The following DAPK2 variants were observed in gnomAD, a reference collection of about 807,000 sequenced individuals.
DAPK2 encodes death-associated protein kinase 2.
DAPK2 carries 35 observed loss-of-function variants against 44.1 expected under a neutral mutation model. That is an observed-to-expected ratio of 0.79 (90% CI 0.61 to 1.05). The LOEUF (loss-of-function observed/expected upper bound fraction) is 1.05, where lower values mean the gene tolerates loss of function less well. Among genes scored for constraint, DAPK2 ranks in the 50% least tolerant of loss-of-function variants. The probability of loss-of-function intolerance (pLI) is 0.00; values close to 1 mark genes in which losing one functional copy is unlikely to be tolerated. For missense variants in DAPK2, 453 were observed against 483.2 expected (o/e 0.94, Z 0.59); for synonymous variants, 174 against 182.6 (o/e 0.95, Z 0.38).
At chr15:64,017,588 G>A (rs1285564749) in intron 1 of DAPK2, among the ~76,000 whole-genome samples, 1 of 152,216 alleles carries the variant, frequency 6.6e-6, no homozygotes, top group Non-Finnish European at 1.5e-5. Flanking sequence ...GAGTCAGAAA[G>A]CCTTGACTCA....
At chr15:63,942,164 G>A in intron 3 of DAPK2, 3 of 970,892 alleles carry the variant, frequency 3.1e-6, no homozygotes, top group Non-Finnish European at 3.7e-6. Context: ...GGGAAGAATT[G>A]AGGCTGAAAT....
intron 3 of DAPK2, among the ~76,000 whole-genome samples, chr15:63,957,603 G>A (rs918941395): frequency 1.3e-5 from 2 of 148,212 alleles, no homozygotes; most frequent in African/African-American, 2.5e-5. Flanking sequence ...GAGAACATGC[G>A]GTGTTTGGTT....
At chr15:63,914,933 T>C (rs1251600887) in intron 8 of DAPK2, among the ~76,000 whole-genome samples, 1 of 152,180 alleles carries the variant, frequency 6.6e-6, no homozygotes, top group Non-Finnish European at 1.5e-5. Flanking sequence ...CAATATTCTA[T>C]TCTGTATTTA....
intron 1 of DAPK2, among the ~76,000 whole-genome samples, chr15:64,023,987 C>T (rs981673562): frequency 6.6e-6 from 1 of 152,082 alleles, no homozygotes; most frequent in African/African-American, 2.4e-5. Context: ...AGTTTAACTG[C>T]CTATCTGAAA....
At chr15:64,014,649 G>A (rs946418352) in intron 1 of DAPK2, among the ~76,000 whole-genome samples, 9 of 152,242 alleles carry the variant, frequency 5.9e-5, no homozygotes. Context: ...GCTGGGCTTG[G>A]TGGCTCACGC....
At chr15:64,046,319 GGTCGCGGCCGCGGCA>G (rs1310802355) in exon 1 of DAPK2, 5 of 958,954 alleles carry the variant, frequency 5.2e-6, no homozygotes, top group African/African-American at 9.4e-5. The surrounding 1 kb of genome is among the most constrained non-coding windows in gnomAD (Gnocchi z 5.3). Flanking sequence ...GAGCTGCCGC[GGTCGCGGCCGCGGCA>G]GGCGCGGCGG....
intron 3 of DAPK2, among the ~76,000 whole-genome samples, chr15:63,949,138 T>C (rs1169994579): frequency 2.0e-5 from 3 of 152,158 alleles, no homozygotes; most frequent in Non-Finnish European, 2.9e-5. Context: ...AAACCCACAG[T>C]TGTGGCTTAG....
intron 1 of DAPK2, among the ~76,000 whole-genome samples, chr15:64,011,954 G>C (rs1301975502): frequency 6.6e-6 from 1 of 152,128 alleles, no homozygotes; most frequent in Non-Finnish European, 1.5e-5. Context: ...AGCCCAGCTT[G>C]GCCACCAGCC....
At chr15:63,926,416 G>T (rs973881174) in intron 6 of DAPK2, among the ~76,000 whole-genome samples, 2 of 152,098 alleles carry the variant, frequency 1.3e-5, no homozygotes, top group African/African-American at 2.4e-5. Context: ...CCAGCCAAAG[G>T]ATAGGGGAGC....
chr15:64,046,387 CGGGAACGGGGGACGCGGCGG>C, upstream of DAPK2: 1 of 304,392 alleles, frequency 3.3e-6, no homozygotes, highest in African/African-American at 2.5e-5. This position sits in a 1 kb window ranked among gnomAD's most constrained non-coding sequence, Gnocchi z 5.3. Flanking sequence ...GCGGGCGCGG[CGGGAACGGGGGACGCGGCGG>C]GGTGCGCTGG....
At chr15:64,025,866 A>G (rs1244536237) in intron 1 of DAPK2, among the ~76,000 whole-genome samples, 2 of 152,326 alleles carry the variant, frequency 1.3e-5, no homozygotes, top group Admixed American at 6.5e-5. Context: ...GATGGATAAC[A>G]TTTTGCTTAA....
At chr15:63,936,850 C>T (rs746710828) in intron 4 of DAPK2, among the ~76,000 whole-genome samples, 3 of 151,480 alleles carry the variant, frequency 2.0e-5, no homozygotes, top group Non-Finnish European at 4.4e-5. Flanking sequence ...CATAATGGTG[C>T]ATGCCTGTAG....
rs148586307 is a variant in DAPK2, at chr15:63,981,594, C to T, written c.314+1939G>A. Among the ~76,000 whole-genome samples, 646 of 151,102 alleles carry T rather than the reference C, an allele frequency of 4.3e-3. 4 individuals are homozygous for T. The highest frequency in any genetic ancestry group is 0.015 in the African/African-American group (611 of 41,276). ...AAGATTGAGAGGAACCACAGAAAAA[C>T]ATAAATAGCTGTGTTTGGGTTGTAG... On this transcript the variant is annotated intron_variant, in intron 2 of 10. Coordinates refer to ENST00000261891, the Ensembl canonical transcript of DAPK2.
chr15:64,012,342 C>A (rs2079411105), intron 1 of DAPK2, among the ~76,000 whole-genome samples: 1 of 152,218 alleles, frequency 6.6e-6, no homozygotes, highest in South Asian at 2.1e-4. Flanking sequence ...CTAACAATTC[C>A]ATTTTCCAGA....
chr15:63,971,612 A>G (rs2078215025), intron 2 of DAPK2, 51 bp from the exon 4 acceptor site: 4 of 1,597,520 alleles, frequency 2.5e-6, no homozygotes, highest in South Asian at 1.1e-5. Flanking sequence ...TCAGCTCTGC[A>G]TGTCATGAGG....
chr15:63,951,389 C>T (rs756533848), intron 3 of DAPK2, among the ~76,000 whole-genome samples: 4 of 152,134 alleles, frequency 2.6e-5, no homozygotes, highest in African/African-American at 7.2e-5. Context: ...TCTAGTGCTA[C>T]CAGGTACCGA....
chr15:63,928,887 C>T (rs573224908), intron 6 of DAPK2, among the ~76,000 whole-genome samples: 3 of 152,150 alleles, frequency 2.0e-5, no homozygotes, highest in Non-Finnish European at 4.4e-5. Context: ...GCATAAGTAG[C>T]TTCACAGGGC....
intron 1 of DAPK2, among the ~76,000 whole-genome samples, chr15:63,994,744 C>T (rs559213254): frequency 5.7e-4 from 87 of 152,246 alleles, no homozygotes; most frequent in African/African-American, 2.0e-3. Flanking sequence ...CATCCGCCAC[C>T]ATGCCTGGCT....
chr15:63,924,822 C>A (rs1305966915), exon 8 of DAPK2: 1 of 1,614,200 alleles, frequency 6.2e-7, no homozygotes, highest in Non-Finnish European at 8.5e-7. Flanking sequence ...TTACCGTGAT[C>A]CAGGGGTGTC....
Sources: allele counts gnomAD v4.1 joint callset (sites outside exome capture counted in the v4.1 genomes callset), GRCh38; gene constraint gnomAD v4.1.1; non-coding constraint Gnocchi (gnomAD v3.1); transcripts MANE v1.5; gene names NCBI Gene and HGNC (gene_info 2026-07-23, HGNC 2026-07-21).